The following PRELID2 variants were observed in gnomAD, a reference collection of about 807,000 sequenced individuals.
The protein encoded by PRELID2 is PRELI domain-containing protein 2.
In PRELID2, 25 loss-of-function variants were observed where a neutral mutation model predicts 28.4. The observed-to-expected ratio is 0.88, with a 90% confidence interval of 0.64 to 1.23. PRELID2 has a LOEUF of 1.23. Ranked by LOEUF, PRELID2 falls within the 50% of genes most tolerant of loss-of-function variation. The probability of loss-of-function intolerance (pLI) is 0.00; values close to 1 mark genes in which losing one functional copy is unlikely to be tolerated. For missense variants in PRELID2, 201 were observed against 214.4 expected (o/e 0.94, Z 0.39); for synonymous variants, 76 against 71.6 (o/e 1.06, Z -0.31).
chr5:145,661,861 A>G (rs942448271), intron 1 of PRELID2, among the ~76,000 whole-genome samples: 10 of 152,036 alleles, frequency 6.6e-5, no homozygotes, highest in African/African-American at 2.4e-4. Context: ...AAAATAGATT[A>G]TATTTTCTCA....
At chr5:145,334,945 T>C in the PRELID2 span, among the ~76,000 whole-genome samples, 1 of 152,150 alleles carries the variant, frequency 6.6e-6, no homozygotes, top group Non-Finnish European at 1.5e-5. Context: ...GGTTATAATA[T>C]ATCTTGGTGT....
At chr5:145,328,145 T>C in the PRELID2 span, among the ~76,000 whole-genome samples, 1 of 152,216 alleles carries the variant, frequency 6.6e-6, no homozygotes, top group Non-Finnish European at 1.5e-5. Context: ...TAGTATTCCA[T>C]GGTATATATG....
chr5:145,340,464 A>T, the PRELID2 span, among the ~76,000 whole-genome samples: 2 of 152,108 alleles, frequency 1.3e-5, no homozygotes, highest in African/African-American at 4.8e-5. Flanking sequence ...AGCCACCTGA[A>T]GGCCTAGGAA....
chr5:145,715,096 C>T (rs977105627), intron 1 of PRELID2, among the ~76,000 whole-genome samples: 32 of 152,152 alleles, frequency 2.1e-4, no homozygotes, highest in African/African-American at 7.5e-4. Context: ...AATCCACACT[C>T]ATACAATCAA....
chr5:145,596,367 C>T (rs1753306564), intron 1 of PRELID2, among the ~76,000 whole-genome samples: 1 of 152,040 alleles, frequency 6.6e-6, no homozygotes, highest in East Asian at 1.9e-4. Context: ...TAAAGACATA[C>T]TAATTAGACC....
chr5:145,804,854 G>C (rs1753390334), intron 4 of PRELID2, among the ~76,000 whole-genome samples: 1 of 152,144 alleles, frequency 6.6e-6, no homozygotes, highest in Non-Finnish European at 1.5e-5. Flanking sequence ...TTACACAATG[G>C]TTTGTAAACT....
chr5:145,620,858 C>T (rs1273071341), intron 1 of PRELID2, among the ~76,000 whole-genome samples: 2 of 152,022 alleles, frequency 1.3e-5, no homozygotes, highest in Admixed American at 1.3e-4. Context: ...TAAAGATAGC[C>T]AGGGAAAAAT....
chr5:145,391,078 T>G, the PRELID2 span, among the ~76,000 whole-genome samples: 1 of 152,148 alleles, frequency 6.6e-6, no homozygotes, highest in East Asian at 1.9e-4. Flanking sequence ...CCCGCCTACT[T>G]TCATGGGCTG....
chr5:145,760,885 A>C (rs938328861), intron 6 of PRELID2, among the ~76,000 whole-genome samples: 40 of 152,242 alleles, frequency 2.6e-4, no homozygotes, highest in Non-Finnish European at 4.3e-4. Flanking sequence ...TTTATTCAAA[A>C]ATGACAGGAA....
chr5:145,778,027 C>T (rs1581182832), intron 5 of PRELID2, among the ~76,000 whole-genome samples: 1 of 152,134 alleles, frequency 6.6e-6, no homozygotes, highest in South Asian at 2.1e-4. Flanking sequence ...CCAGGGAGGG[C>T]CTGAAGGCTG....
At chr5:145,270,541 C>A in the PRELID2 span, among the ~76,000 whole-genome samples, 1 of 152,064 alleles carries the variant, frequency 6.6e-6, no homozygotes, top group Non-Finnish European at 1.5e-5. Context: ...ATGTGCGGTT[C>A]TAGAATCAGA....
chr5:145,764,910 G>A lies in PRELID2; in HGVS notation c.*10+21C>T, dbSNP rs755797717. ...AAATATGGCTTGTGTAAATAATTCTGACTTTGCTTTTGGTACTCACTGATG... is the reference window on the plus strand; with the variant it reads ...AAATATGGCTTGTGTAAATAATTCTAACTTTGCTTTTGGTACTCACTGATG... On this transcript the variant is annotated intron_variant, in intron 6 of 6. Transcript: ENST00000683046. 7 of 1,565,410 alleles carry A rather than the reference G, an allele frequency of 4.5e-6. No individual in the cohort carries two copies. In the South Asian group the frequency reaches 7.9e-5, roughly 18 times the overall value.
intron 1 of PRELID2, among the ~76,000 whole-genome samples, chr5:145,565,402 T>C (rs2126697603): frequency 6.6e-6 from 1 of 152,366 alleles, no homozygotes; most frequent in Admixed American, 6.5e-5. Context: ...CAAGTGTCTT[T>C]GCTGCCAACT....
chr5:145,606,109 A>T (rs1753499802), intron 1 of PRELID2, among the ~76,000 whole-genome samples: 1 of 151,994 alleles, frequency 6.6e-6, no homozygotes, highest in African/African-American at 2.4e-5. Context: ...ATTTTTGAAC[A>T]TTGTTTTTGC....
intron 1 of PRELID2, among the ~76,000 whole-genome samples, chr5:145,660,473 G>A (rs1470855662): frequency 6.6e-6 from 1 of 152,118 alleles, no homozygotes; most frequent in African/African-American, 2.4e-5. Context: ...GTAAATTCAA[G>A]GAGACAGCTT....
At chr5:145,575,939 G>A (rs1449805631) in intron 1 of PRELID2, among the ~76,000 whole-genome samples, 1 of 151,912 alleles carries the variant, frequency 6.6e-6, no homozygotes, top group African/African-American at 2.4e-5. Context: ...TCTTATGTTG[G>A]GAACACTCTT....
chr5:145,664,003 T>A (rs1480627738), intron 1 of PRELID2, among the ~76,000 whole-genome samples: 1 of 152,152 alleles, frequency 6.6e-6, no homozygotes, highest in Admixed American at 6.5e-5. Flanking sequence ...AGAAATTAGA[T>A]AGATGTGTCA....
At chr5:145,831,854 T>A (rs894473336) in intron 1 of PRELID2, among the ~76,000 whole-genome samples, 9 of 152,220 alleles carry the variant, frequency 5.9e-5, no homozygotes, top group African/African-American at 2.2e-4. Flanking sequence ...CTTTGCTAAA[T>A]ATTTTATAAG....
intron 1 of PRELID2, among the ~76,000 whole-genome samples, chr5:145,705,318 A>G (rs1433465541): frequency 6.6e-6 from 1 of 151,904 alleles, no homozygotes; most frequent in African/African-American, 2.4e-5. Context: ...AGTCTCCCAA[A>G]TAGCTGGGAT....
Sources: allele counts gnomAD v4.1 joint callset (sites outside exome capture counted in the v4.1 genomes callset), GRCh38; gene constraint gnomAD v4.1.1; transcripts MANE v1.5; gene names NCBI Gene and HGNC (gene_info 2026-07-23, HGNC 2026-07-21).